FBXO17: variants seen among roughly 807,000 people sequenced by gnomAD.
The protein encoded by FBXO17 is F-box protein 17, also known as F-box only protein 17.
In FBXO17, 43 loss-of-function variants were observed where a neutral mutation model predicts 34.1. The ratio of observed to expected loss-of-function variants is 1.26; its 90% CI spans 0.99 to 1.62. FBXO17 has a LOEUF of 1.62. Among genes scored for constraint, FBXO17 ranks in the 40% most tolerant of loss-of-function variants. The pLI is 0.00. For missense variants in FBXO17, 424 were observed against 386.7 expected (o/e 1.10, Z -0.81); for synonymous variants, 169 against 166.0 (o/e 1.02, Z -0.14).
intron 2 of FBXO17, 104 bp downstream of exon 2, chr19:38,949,867 C>T (rs901568317): frequency 9.9e-6 from 13 of 1,315,444 alleles, no homozygotes; most frequent in Admixed American, 3.1e-5. Context: ...GCTCCTCCAG[C>T]GGTCTCGCCC....
intron 1 of FBXO17, among the ~76,000 whole-genome samples, chr19:38,971,097 CAA>C (rs36006162): frequency 2.4e-4 from 30 of 122,468 alleles, no homozygotes; most frequent in Non-Finnish European, 2.1e-4. Flanking sequence ...GAGTCCATCT[CAA>C]AAAAAAAAAA....
intron 1 of FBXO17, among the ~76,000 whole-genome samples, chr19:38,962,575 T>C (rs2144835772): frequency 6.6e-6 from 1 of 152,264 alleles, no homozygotes; most frequent in Non-Finnish European, 1.5e-5. Context: ...AGGGATGCCT[T>C]TGTCCTTCGG....
chr19:38,946,201 T>C (rs1484083502), intron 4 of FBXO17: 2 of 522,170 alleles, frequency 3.8e-6, no homozygotes, highest in Non-Finnish European at 6.8e-6. Context: ...AGGTGTCTCG[T>C]TTCAGAGGGG....
chr19:38,949,937 C>A, intron 2 of FBXO17, 34 bp downstream of exon 2: 1 of 1,487,170 alleles, frequency 6.7e-7, no homozygotes, highest in Non-Finnish European at 8.9e-7. Context: ...GCGCGGCCCC[C>A]CTCAGCCTCC....
chr19:38,942,775 G>C, intron 5 of FBXO17, 24 bp from the exon 6 acceptor site: 1 of 1,590,488 alleles, frequency 6.3e-7, no homozygotes, highest in Non-Finnish European at 8.5e-7. Context: ...GGGAGTGAGA[G>C]GGTGAGGGCC....
At chr19:38,943,942 T>C (rs1335587419) in intron 5 of FBXO17, among the ~76,000 whole-genome samples, 3 of 152,314 alleles carry the variant, frequency 2.0e-5, no homozygotes, top group South Asian at 2.1e-4. Context: ...TGATTCACGA[T>C]ATTATGCAGC....
chr19:38,960,424 A>G (rs1230214233), intron 1 of FBXO17, among the ~76,000 whole-genome samples: 1 of 152,078 alleles, frequency 6.6e-6, no homozygotes, highest in African/African-American at 2.4e-5. Context: ...TAGCAGCTGA[A>G]GTGAGGAGAC....
Position 38,950,007 on chromosome 19 carries a change from A to G in FBXO17, c.313T>C (p.Phe105Leu). 6.4e-7 allele frequency: 1 copy of G among 1,556,108 alleles called. No homozygotes were observed. Among genetic ancestry groups the G allele is most frequent in the Non-Finnish European group, 8.7e-7 (1 of 1,152,042 alleles). ...GAGTTGAAGATGAGATTGCGGCCGA[A>G]GGGCGCGCGCAGACAGTAGCGCGCC... ...ALARYCLRAP[F>L]GRNLIFNSCG... Residue 105 changes from phenylalanine (F) to leucine (L), a missense_variant, in exon 2 of 6, where the codon TTC (phenylalanine) becomes CTC (leucine). Physicochemically the swap from Phe to Leu is conservative, Grantham distance 22. Transcript: ENST00000292852.
chr19:38,944,350 C>G (rs533874440), intron 5 of FBXO17, among the ~76,000 whole-genome samples: 4 of 152,102 alleles, frequency 2.6e-5, no homozygotes, highest in Non-Finnish European at 5.9e-5. Flanking sequence ...TCCAACCATC[C>G]TCCCACCTCA....
chr19:38,945,101 C>G lies in FBXO17; in HGVS notation c.561G>C (p.Trp187Cys), dbSNP rs1273141139. 6.2e-6 allele frequency: 10 copies of G among 1,613,974 alleles called. No homozygotes were observed. Among genetic ancestry groups the G allele is most frequent in the Non-Finnish European group, 8.5e-6 (10 of 1,180,012 alleles). The change falls in exon 5 of 6, where the codon TGG becomes TGC. Residue 187 changes from tryptophan (W) to cysteine (C), a missense_variant. Trp to Cys is a radical substitution (Grantham distance 215). Coordinates refer to ENST00000292852, the MANE Select transcript of FBXO17 (RefSeq NM_024907.7). Reference sequence around the variant, plus strand: ...CGCAGCCGCAGTTCTCTCGAGCGCCCCACCTGCCAGGCAGCAGTCAGCCTC... The same window carrying G: ...CGCAGCCGCAGTTCTCTCGAGCGCCGCACCTGCCAGGCAGCAGTCAGCCTC... ...AQIEICVADWWGARENCGCVY... is the reference protein window; with the variant it reads ...AQIEICVADWCGARENCGCVY...
intron 1 of FBXO17, among the ~76,000 whole-genome samples, chr19:38,958,470 G>A (rs192035974): frequency 1.9e-3 from 279 of 147,646 alleles, no homozygotes; most frequent in Middle Eastern, 7.8e-3. Flanking sequence ...AACAGTCAAA[G>A]ACAGGCTTAT....
intron 5 of FBXO17, among the ~76,000 whole-genome samples, chr19:38,943,984 GA>G (rs1974934000): frequency 6.6e-6 from 1 of 152,012 alleles, no homozygotes; most frequent in Admixed American, 6.6e-5. Flanking sequence ...ATCACCCCAG[GA>G]AAAAACTCTG....
chr19:38,965,696 G>T (rs576130307), intron 1 of FBXO17, among the ~76,000 whole-genome samples: 1 of 152,146 alleles, frequency 6.6e-6, no homozygotes, highest in Non-Finnish European at 1.5e-5. Flanking sequence ...TAGTAGAGAC[G>T]AGGTTTCGCC....
chr19:38,964,152 C>T (rs768609666), intron 1 of FBXO17, among the ~76,000 whole-genome samples: 2 of 152,170 alleles, frequency 1.3e-5, no homozygotes, highest in Admixed American at 6.6e-5. Context: ...GTATATTTAA[C>T]GTTACAAGAA....
intron 3 of FBXO17, among the ~76,000 whole-genome samples, 162 bp downstream of exon 3, chr19:38,948,405 A>G (rs1975018468): frequency 6.6e-6 from 1 of 152,256 alleles, no homozygotes; most frequent in Non-Finnish European, 1.5e-5. Context: ...CATATGAAAC[A>G]GTACCCTCAA....
chr19:38,950,668 A>C (rs549914760), intron 1 of FBXO17, among the ~76,000 whole-genome samples: 1 of 152,370 alleles, frequency 6.6e-6, no homozygotes, highest in East Asian at 1.9e-4. Flanking sequence ...AGGGGACTTT[A>C]CCCATTCCTG....
At chr19:38,972,941 C>G (rs1189309657) in intron 1 of FBXO17, among the ~76,000 whole-genome samples, 1 of 151,956 alleles carries the variant, frequency 6.6e-6, no homozygotes, top group Non-Finnish European at 1.5e-5. Context: ...TTATTTTTGT[C>G]GAGACAGGGT....
Position 38,942,503 on chromosome 19 carries a change from C to T in FBXO17, c.*105G>A. 1.6e-6 allele frequency: 2 copies of T among 1,251,674 alleles called. No homozygotes were observed. Among genetic ancestry groups the T allele is most frequent in the Non-Finnish European group, 1.1e-6 (1 of 942,636 alleles). The allele number at this position is 1,251,674 out of a possible 1,614,324, so 77.5% of individuals were successfully genotyped here. A position where few individuals can be genotyped will look rare whatever the true frequency, so the allele number is the denominator to read the frequency against. ...TCTTGAACTCCCGAGCTCCAGTGAT[C>T]CTCCCACCTCGGCCTCCTGAAGTGC... On this transcript the variant is annotated 3_prime_UTR_variant, in exon 6 of 6. Coordinates refer to ENST00000292852, the MANE Select transcript of FBXO17 (RefSeq NM_024907.7).
intron 1 of FBXO17, among the ~76,000 whole-genome samples, chr19:38,953,163 C>T (rs374503623): frequency 8.6e-5 from 13 of 151,790 alleles, no homozygotes; most frequent in African/African-American, 2.7e-4. Context: ...AAAAATTAGC[C>T]GGGTGTGGTG....
Sources: allele counts gnomAD v4.1 joint callset (sites outside exome capture counted in the v4.1 genomes callset), GRCh38; gene constraint gnomAD v4.1.1; transcripts MANE v1.5; gene names NCBI Gene and HGNC (gene_info 2026-07-23, HGNC 2026-07-21).